Variants in KIAA1671 observed in about 807,000 individuals in gnomAD.
The protein encoded by KIAA1671 is KIAA1671, also known as uncharacterized protein KIAA1671.
In KIAA1671, 52 loss-of-function variants were observed where a neutral mutation model predicts 131.2. The ratio of observed to expected loss-of-function variants is 0.40; its 90% CI spans 0.32 to 0.50. KIAA1671 has a LOEUF of 0.50. Among genes scored for constraint, KIAA1671 ranks in the 20% least tolerant of loss-of-function variants. The pLI, the probability that KIAA1671 is intolerant of heterozygous loss-of-function variation, is 0.73. For synonymous variants in KIAA1671, 1,003 were observed against 961.6 expected (o/e 1.04, Z -0.80); for missense variants, 2,360 against 2,364.2 (o/e 1.00, Z 0.04).
At chr22:25,092,907 GC>G (rs1930090686) in intron 6 of KIAA1671, among the ~76,000 whole-genome samples, 1 of 152,162 alleles carries the variant, frequency 6.6e-6, no homozygotes, top group Non-Finnish European at 1.5e-5. Flanking sequence ...TGGCCCCTCG[GC>G]CCCCTGCACT....
chr22:25,093,740 C>CTCTCTCTCTCTG, intron 6 of KIAA1671, among the ~76,000 whole-genome samples: 1 of 101,548 alleles, frequency 9.8e-6, no homozygotes, highest in East Asian at 2.8e-4. Context: ...CACACACACT[C>CTCTCTCTCTCTG]TCTCTCTCTC....
chr22:25,123,233 G>T, intron 6 of KIAA1671, among the ~76,000 whole-genome samples: 1 of 115,584 alleles, frequency 8.7e-6, no homozygotes, highest in Non-Finnish European at 1.7e-5. Flanking sequence ...GTCTTGCTCT[G>T]TCGCCCAGGC....
chr22:25,036,894 A>T (rs953133213), intron 4 of KIAA1671, among the ~76,000 whole-genome samples: 1 of 152,172 alleles, frequency 6.6e-6, no homozygotes, highest in Non-Finnish European at 1.5e-5. Context: ...ATTGTACTCC[A>T]GCCTGGGTGA....
intron 6 of KIAA1671, chr22:25,059,614 G>A (rs1928046411): frequency 6.6e-6 from 1 of 152,350 alleles, no homozygotes; most frequent in African/African-American, 2.4e-5. Context: ...GCTCTTCCTT[G>A]GCCTGGTGGC....
intron 6 of KIAA1671, among the ~76,000 whole-genome samples, chr22:25,093,244 G>A (rs938361843): frequency 2.0e-5 from 3 of 152,172 alleles, no homozygotes; most frequent in African/African-American, 7.2e-5. Flanking sequence ...GCGCATTGGT[G>A]GAGGGGCCAG....
At position 24,998,354 on chromosome 22, in the gene KIAA1671, A is replaced by G. The variant is rs527784012; in HGVS notation, c.-207-27279A>G. On this transcript the variant is annotated intron_variant, in intron 1 of 12. Coordinates refer to ENST00000358431, the MANE Select transcript of KIAA1671 (RefSeq NM_001145206.2). Reference sequence around the variant, plus strand: ...ACTTGAGCCAGGAGAACAGGGGTACAGTGAGCCATGACAGCACCACTGCAC... The same window carrying G: ...ACTTGAGCCAGGAGAACAGGGGTACGGTGAGCCATGACAGCACCACTGCAC... Among the ~76,000 whole-genome samples the G allele has an allele frequency of 5.9e-5, 9 of 152,170 alleles. No homozygotes were observed. In the East Asian group the frequency reaches 1.7e-3, roughly 29 times the overall value.
chr22:25,028,637 GCCAAGACCATCCTCCC>G lies in KIAA1671; in HGVS notation c.639_654del (p.Asp215ArgfsTer19). ...CCACCTGTACCCCAAGAGGAGGCAG[GCCAAGACCATCCTCCC>G]TCAAAGGCCAGCAGTGTGGAGGACA... On this transcript the variant is annotated frameshift_variant, in exon 3 of 13. Transcript: ENST00000358431. LOFTEE classifies it high-confidence loss of function. 5.2e-6 allele frequency: 8 copies of G among 1,551,176 alleles called. No homozygotes were observed. The highest frequency in any genetic ancestry group is 7.0e-6 in the Non-Finnish European group (8 of 1,146,990).
intron 6 of KIAA1671, among the ~76,000 whole-genome samples, chr22:25,131,620 C>T (rs1197643380): frequency 6.6e-6 from 1 of 152,252 alleles, no homozygotes; most frequent in Non-Finnish European, 1.5e-5. Flanking sequence ...CCACCTTCAG[C>T]CCTGGCTGCC....
Position 25,040,619 on chromosome 22 carries a change from C to T in KIAA1671, c.3489C>T (p.Thr1163=). Residue 1163 remains threonine (T), a synonymous_variant, in exon 5 of 13, where the codon ACC becomes ACT. Coordinates refer to ENST00000358431, the MANE Select transcript of KIAA1671 (RefSeq NM_001145206.2). ...MSPSGGAPQT[T]PTLRSRPKDL... is the part of the protein sequence containing the mutation. The stretch of plus-strand genomic sequence containing the variant: ...CCAGCGGCGGAGCTCCCCAAACCAC[C>T]CCGACTCTGAGGAGTCGTCCAAAAG... 6.4e-7 allele frequency: 1 copy of T among 1,551,776 alleles called. No individual in the cohort carries two copies. The highest frequency in any genetic ancestry group is 1.4e-5 in the African/African-American group (1 of 73,152).
chr22:25,169,458 T>G (rs1340366790), intron 6 of KIAA1671, among the ~76,000 whole-genome samples: 3 of 148,654 alleles, frequency 2.0e-5, no homozygotes, highest in Non-Finnish European at 3.0e-5. Context: ...AGAGCGTCAT[T>G]CAAAGCTTCA....
chr22:25,110,202 A>G (rs1367803270), intron 6 of KIAA1671: 1 of 152,316 alleles, frequency 6.6e-6, no homozygotes, highest in East Asian at 1.9e-4. Flanking sequence ...GAAAAGAAAG[A>G]GATCTGTTGG....
chr22:25,077,926 G>C (rs1218405491), intron 6 of KIAA1671, among the ~76,000 whole-genome samples: 1 of 152,202 alleles, frequency 6.6e-6, no homozygotes, highest in Non-Finnish European at 1.5e-5. Flanking sequence ...AACAGCAAAA[G>C]ATATTATCCT....
chr22:24,991,256 C>G (rs183991086), intron 1 of KIAA1671, among the ~76,000 whole-genome samples: 162 of 151,938 alleles, frequency 1.1e-3, no homozygotes, highest in African/African-American at 3.8e-3. Context: ...CTCCTGACTT[C>G]AAGTGATCCA....
intron 1 of KIAA1671, among the ~76,000 whole-genome samples, chr22:24,961,495 C>T (rs1237503848): frequency 2.0e-5 from 3 of 152,224 alleles, no homozygotes; most frequent in Non-Finnish European, 4.4e-5. Flanking sequence ...CAGCAGGTAG[C>T]TTGGCTGACC....
At chr22:24,961,010 G>T (rs1396595239) in intron 1 of KIAA1671, among the ~76,000 whole-genome samples, 1 of 152,046 alleles carries the variant, frequency 6.6e-6, no homozygotes, top group Admixed American at 6.6e-5. Context: ...TCTTTTTGTT[G>T]TTGTTGTTTT....
chr22:25,089,317 C>T (rs1393133933), intron 6 of KIAA1671, among the ~76,000 whole-genome samples: 1 of 147,770 alleles, frequency 6.8e-6, no homozygotes, highest in African/African-American at 2.5e-5. Context: ...TCTTGTTGCC[C>T]AGGCTGGAGT....
chr22:25,021,555 G>GTC (rs1925668605), intron 1 of KIAA1671, among the ~76,000 whole-genome samples: 1 of 143,176 alleles, frequency 7.0e-6, no homozygotes, highest in Non-Finnish European at 1.5e-5. Context: ...TCACTGCTGT[G>GTC]TCCCTAGCGC....
chr22:24,955,745 G>A lies in KIAA1671; in HGVS notation c.-208+2973G>A, dbSNP rs112549087. Among the ~76,000 whole-genome samples the A allele has an allele frequency of 3.4e-3, 513 of 152,262 alleles. 4 individuals are homozygous for A. The highest frequency in any genetic ancestry group is 0.011 in the African/African-American group (465 of 41,544). ...GCTGCTAGAAAAATCCAGGTGAGAG[G>A]CCAGGCGCGGTGGCTCACGCCTGTA... On this transcript the variant is annotated intron_variant, in intron 1 of 12. Coordinates refer to ENST00000358431, the MANE Select transcript of KIAA1671 (RefSeq NM_001145206.2).
chr22:25,093,842 C>CTCTG (rs1568951637), intron 6 of KIAA1671, among the ~76,000 whole-genome samples: 2 of 64,066 alleles, frequency 3.1e-5, no homozygotes, highest in Admixed American at 2.0e-4. Flanking sequence ...CTGTCTGTCT[C>CTCTG]TCTCTCTCTC....
Sources: gnomAD v4.1 joint callset for allele counts (sites outside exome capture counted in the v4.1 genomes callset) on GRCh38, gnomAD v4.1.1 for gene constraint, MANE v1.5 for transcripts, NCBI Gene and HGNC (gene_info 2026-07-23, HGNC 2026-07-21) for gene names.